CTTNBP2: variants seen among roughly 807,000 people sequenced by gnomAD.
CTTNBP2 encodes the protein cortactin binding protein 2, also known as cortactin-binding protein 2.
Under a neutral mutation model 156.9 loss-of-function variants are expected in CTTNBP2, and 108 were observed. The ratio of observed to expected loss-of-function variants is 0.69; its 90% CI spans 0.59 to 0.81. The LOEUF (loss-of-function observed/expected upper bound fraction) is 0.81, where lower values mean the gene tolerates loss of function less well. CTTNBP2 is among the 30% of genes least tolerant of loss of function. The probability of loss-of-function intolerance (pLI) is 0.00; values close to 1 mark genes in which losing one functional copy is unlikely to be tolerated. For synonymous variants in CTTNBP2, 767 were observed against 751.8 expected, an observed-to-expected ratio of 1.02 and a Z score of -0.33; for missense variants, 1,924 against 2,035.4, an observed-to-expected ratio of 0.95 and a Z score of 1.05.
chr7:117,749,032 T>C lies in CTTNBP2; in HGVS notation c.3349-2933A>G, dbSNP rs1458080384. 2.0e-5 allele frequency among the ~76,000 whole-genome samples: 3 copies of C among 152,172 alleles called. No individual in the cohort carries two copies. The East Asian group carries it at 5.8e-4, about 29-fold the overall frequency. On this transcript the variant is annotated intron_variant, in intron 12 of 22. Transcript: ENST00000160373. ...CCCTGATCTTGAACTTTCCACACCC[T>C]GGAACTGTGAGAAATACATTTCTGT...
intron 5 of CTTNBP2, 85 bp downstream of exon 5, chr7:117,784,166 A>T: frequency 1.0e-6 from 1 of 987,766 alleles, no homozygotes; most frequent in Non-Finnish European, 1.5e-6. Context: ...ACTAAATTGA[A>T]CTTTCTGCTC....
chr7:117,789,685 C>A (rs907960132), intron 4 of CTTNBP2, among the ~76,000 whole-genome samples: 2 of 152,130 alleles, frequency 1.3e-5, no homozygotes, highest in African/African-American at 4.8e-5. Context: ...GCAACAATAT[C>A]ATTGAAGCAG....
chr7:117,781,621 C>T (rs886527123), intron 6 of CTTNBP2, among the ~76,000 whole-genome samples: 1 of 152,154 alleles, frequency 6.6e-6, no homozygotes, highest in African/African-American at 2.4e-5. Flanking sequence ...ACCTGTAGTC[C>T]CAGCTACTCG....
At chr7:117,810,162 G>A (rs909400057) in intron 3 of CTTNBP2, among the ~76,000 whole-genome samples, 4 of 152,116 alleles carry the variant, frequency 2.6e-5, no homozygotes, top group Non-Finnish European at 4.4e-5. Context: ...AAACACATGT[G>A]AGCAGGAGGC....
intron 12 of CTTNBP2, among the ~76,000 whole-genome samples, chr7:117,755,834 T>C (rs6960332): frequency 0.45 from 68,136 of 152,170 alleles, 19,860 homozygotes; most frequent in African/African-American, 0.82. Context: ...TAGGCACCGA[T>C]AGGTGTCTTA....
chr7:117,791,057 G>A, intron 4 of CTTNBP2, 71 bp downstream of exon 4: 3 of 1,303,110 alleles, frequency 2.3e-6, no homozygotes, highest in Non-Finnish European at 2.1e-6. Context: ...AAGGCAATGT[G>A]AAGAAAATCA....
intron 2 of CTTNBP2, among the ~76,000 whole-genome samples, chr7:117,839,663 T>C (rs1278068947): frequency 1.3e-5 from 2 of 152,200 alleles, no homozygotes; most frequent in African/African-American, 4.8e-5. Flanking sequence ...AATCTCTGAC[T>C]TCAGACTGAA....
chr7:117,835,527 T>C lies in CTTNBP2; in HGVS notation c.190-24538A>G, dbSNP rs532807161. ...TAACCTATCCAGCTGTTTCCCTCACTTCCCTTTTCTCTCTCTAGTCACTTT... is the reference window on the plus strand; with the variant it reads ...TAACCTATCCAGCTGTTTCCCTCACCTCCCTTTTCTCTCTCTAGTCACTTT... On this transcript the variant is annotated intron_variant, in intron 2 of 22. Coordinates refer to ENST00000160373, the MANE Select transcript of CTTNBP2 (RefSeq NM_033427.3). 9.2e-5 allele frequency among the ~76,000 whole-genome samples: 14 copies of C among 152,282 alleles called. No homozygotes were observed. The East Asian group carries it at 2.5e-3, about 27-fold the overall frequency.
intron 6 of CTTNBP2, among the ~76,000 whole-genome samples, chr7:117,782,540 C>A (rs923300827): frequency 1.2e-4 from 18 of 152,274 alleles, no homozygotes; most frequent in African/African-American, 4.1e-4. Flanking sequence ...TGGTGTAAAA[C>A]AGTGAAAAAC....
chr7:117,873,323 G>T lies in CTTNBP2; in HGVS notation c.81+12C>A. On this transcript the variant is annotated intron_variant, in intron 1 of 22. Coordinates refer to ENST00000160373, the MANE Select transcript of CTTNBP2 (RefSeq NM_033427.3). ...TACACTAGCCCCGCGCCCGCCCCGG[G>T]AACTCGGTTACCGCCGCCTCCGCCG... 1 of 1,438,792 alleles carries T rather than the reference G, an allele frequency of 7.0e-7. No individual in the cohort carries two copies. Among genetic ancestry groups the T allele is most frequent in the South Asian group, 1.4e-5 (1 of 72,522 alleles). The allele number at this position is 1,438,792 out of a possible 1,614,324, so 89.1% of individuals were successfully genotyped here. A position where few individuals can be genotyped will look rare whatever the true frequency, so the allele number is the denominator to read the frequency against.
intron 2 of CTTNBP2, among the ~76,000 whole-genome samples, chr7:117,837,326 C>A (rs868763654): frequency 6.6e-6 from 1 of 152,162 alleles, no homozygotes; most frequent in Non-Finnish European, 1.5e-5. Context: ...CAGCCTAATA[C>A]ACTTTTACTA....
At chr7:117,748,637 AC>A (rs1310837475) in intron 12 of CTTNBP2, among the ~76,000 whole-genome samples, 2 of 152,234 alleles carry the variant, frequency 1.3e-5, no homozygotes, top group Non-Finnish European at 2.9e-5. Flanking sequence ...ATAGTTCCTT[AC>A]CTCATCCATC....
chr7:117,730,905 G>C (rs1795365007), intron 16 of CTTNBP2, among the ~76,000 whole-genome samples: 1 of 152,118 alleles, frequency 6.6e-6, no homozygotes, highest in Non-Finnish European at 1.5e-5. Context: ...GTTAGGATGA[G>C]AGAATCATAT....
At chr7:117,783,056 G>T in intron 5 of CTTNBP2, 95 bp from the exon 6 acceptor site, 1 of 828,920 alleles carries the variant, frequency 1.2e-6, no homozygotes, top group Non-Finnish European at 2.0e-6. Context: ...AATCCCAAAG[G>T]GACTCTCCCC....
chr7:117,724,238 T>C (rs541027029), intron 19 of CTTNBP2, among the ~76,000 whole-genome samples: 5 of 152,236 alleles, frequency 3.3e-5, no homozygotes, highest in African/African-American at 9.6e-5. Flanking sequence ...GATTTTATTA[T>C]GTAATAATGC....
At chr7:117,805,370 C>T (rs943796073) in intron 3 of CTTNBP2, among the ~76,000 whole-genome samples, 1 of 152,156 alleles carries the variant, frequency 6.6e-6, no homozygotes, top group Admixed American at 6.5e-5. Context: ...GTTCTACCAC[C>T]GAGTGGCTAT....
intron 7 of CTTNBP2, among the ~76,000 whole-genome samples, chr7:117,778,461 G>C (rs1798227268): frequency 6.6e-6 from 1 of 152,192 alleles, no homozygotes; most frequent in Non-Finnish European, 1.5e-5. Context: ...GGTTGCTAGA[G>C]TAGAGGTATT....
chr7:117,842,598 C>T (rs1388804397), intron 2 of CTTNBP2, among the ~76,000 whole-genome samples: 1 of 151,994 alleles, frequency 6.6e-6, no homozygotes, highest in Admixed American at 6.6e-5. Flanking sequence ...GTCAACCAAA[C>T]AACAGAACTA....
At chr7:117,716,027 T>C (rs1794337250) in intron 22 of CTTNBP2, 1 of 151,956 alleles carries the variant, frequency 6.6e-6, no homozygotes, top group South Asian at 2.1e-4. Flanking sequence ...CATCTAGCTC[T>C]TGGGGAAGAG....
Sources: gnomAD v4.1 joint callset for allele counts (sites outside exome capture counted in the v4.1 genomes callset) on GRCh38, gnomAD v4.1.1 for gene constraint, MANE v1.5 for transcripts, NCBI Gene and HGNC (gene_info 2026-07-23, HGNC 2026-07-21) for gene names.